SOX9: variants seen among roughly 807,000 people sequenced by gnomAD.
SOX9 encodes the protein transcription factor SOX-9.
A neutral mutation model predicts 44.8 loss-of-function variants in SOX9; 2 were observed. The ratio of observed to expected loss-of-function variants is 0.04; its 90% CI spans 0.02 to 0.14. SOX9 has a LOEUF of 0.14. Among genes scored for constraint, SOX9 ranks in the 10% least tolerant of loss-of-function variants. SOX9 has a pLI of 1.00. For missense variants in SOX9, 583 were observed against 728.6 expected, an observed-to-expected ratio of 0.80 and a Z score of 2.30; for synonymous variants, 381 against 331.8, an observed-to-expected ratio of 1.15 and a Z score of -1.61.
rs1314148280 is a variant in SOX9 at position 72,121,957 on chromosome 17, A to T, written c.431+135A>T. On this transcript the variant is annotated intron_variant, in intron 1 of 2. Coordinates refer to ENST00000245479, the MANE Select transcript of SOX9 (RefSeq NM_000346.4). This position sits in a 1 kb window ranked among gnomAD's most constrained non-coding sequence, Gnocchi z 8.3. ...CGGGAGCCGGCGGGATGGGGTTGGG[A>T]GTGGGAATGGGGTGTAACTGTGGCT... is the stretch of plus-strand genomic sequence containing the variant. 1.2e-5 allele frequency: 13 copies of T among 1,110,726 alleles called. No homozygotes were observed. Among genetic ancestry groups the T allele is most frequent in the African/African-American group, 3.2e-5 (2 of 63,200 alleles). The allele number at this position is 1,110,726 out of a possible 1,614,324, so 68.8% of individuals were successfully genotyped here. A position where few individuals can be genotyped will look rare whatever the true frequency, so the allele number is the denominator to read the frequency against.
At position 72,124,363 on chromosome 17, in the gene SOX9, CT is replaced by C; in HGVS notation, c.1507del (p.Tyr503ThrfsTer20). ...HSPQHWEQPVYTQLTRP is the reference protein window; with the variant it reads ...HSPQHWEQPVXTQLTRP ...GCCCCCAGCACTGGGAACAACCCGT[CT>C]ACACACAGCTCACTCGACCTTGAGG... is the stretch of plus-strand genomic sequence containing the variant. On this transcript the variant is annotated frameshift_variant, in exon 3 of 3. Transcript: ENST00000245479. LOFTEE classifies it high-confidence loss of function. This position sits in a 1 kb window ranked among gnomAD's most constrained non-coding sequence, Gnocchi z 4.6. 6.2e-7 allele frequency: 1 copy of C among 1,600,512 alleles called. No individual in the cohort carries two copies. The highest frequency in any genetic ancestry group is 8.5e-7 in the Non-Finnish European group (1 of 1,179,966).
At position 72,123,994 on chromosome 17, in the gene SOX9, G is replaced by T; in HGVS notation, c.1137G>T (p.Ala379=). 1 of 1,595,266 alleles carries T rather than the reference G, an allele frequency of 6.3e-7. No homozygotes were observed. The highest frequency in any genetic ancestry group is 1.3e-5 in the African/African-American group (1 of 74,544). ...QPAAPPQQPQ[A]HTLTTLSSEP... ...CGGCACCCCCGCAGCAGCCACAGGC[G>T]CACACGCTGACCACGCTGAGCAGCG... Residue 379 remains alanine (A), a synonymous_variant, in exon 3 of 3, where the codon GCG becomes GCT. Coordinates refer to ENST00000245479, the MANE Select transcript of SOX9 (RefSeq NM_000346.4). The surrounding 1 kb of genome is among the most constrained non-coding windows in gnomAD (Gnocchi z 6.5).
Position 72,121,918 on chromosome 17 carries a change from G to C in SOX9, c.431+96G>C, listed in dbSNP as rs1226952183. 1.6e-5 allele frequency: 23 copies of C among 1,401,970 alleles called. No individual in the cohort carries two copies. Among genetic ancestry groups the C allele is most frequent in the Middle Eastern group, 2.6e-4 (1 of 3,872 alleles). The allele number at this position is 1,401,970 out of a possible 1,614,324, so 86.8% of individuals were successfully genotyped here. ...TGCCCCGCCCCGCCTCCCATCGCCC[G>C]GGAGTTGCCGTTCCGGGAGCCGGCG... On this transcript the variant is annotated intron_variant, in intron 1 of 2. Coordinates refer to ENST00000245479, the MANE Select transcript of SOX9 (RefSeq NM_000346.4). The surrounding 1 kb of genome is among the most constrained non-coding windows in gnomAD (Gnocchi z 8.3).
intron 1 of SOX9, 119 bp from the exon 2 acceptor site, chr17:72,122,600 G>A (rs1271046741): frequency 2.4e-6 from 2 of 845,334 alleles, no homozygotes; most frequent in Non-Finnish European, 3.9e-6. Flanking sequence ...ATGGAGTTGT[G>A]TGCAGAGGAA....
At position 72,123,589 on chromosome 17, in the gene SOX9, C is replaced by T. The variant is rs2143250482; in HGVS notation, c.732C>T (p.Asp244=). Residue 244 remains aspartate (D), a synonymous_variant, in exon 3 of 3, where the codon GAC becomes GAT. Transcript: ENST00000245479. This position sits in a 1 kb window ranked among gnomAD's most constrained non-coding sequence, Gnocchi z 6.5. ...CCCCACCCACCACCCCCAAAACCGA[C>T]GTGCAGCCGGGCAAGGCTGACCTGA... is the stretch of plus-strand genomic sequence containing the variant. The part of the protein sequence containing the change: ...PPTPPTTPKT[D]VQPGKADLKR... 3 of 1,612,960 alleles carry T rather than the reference C, an allele frequency of 1.9e-6. No individual in the cohort carries two copies. The South Asian group carries it at 3.3e-5, about 18-fold the overall frequency.
At position 72,124,501 on chromosome 17, in the gene SOX9, T is replaced by C. The variant is rs759378287; in HGVS notation, c.*114T>C. On this transcript the variant is annotated 3_prime_UTR_variant, in exon 3 of 3. Coordinates refer to ENST00000245479, the MANE Select transcript of SOX9 (RefSeq NM_000346.4). The surrounding 1 kb of genome is among the most constrained non-coding windows in gnomAD (Gnocchi z 4.6). Reference sequence around the variant, plus strand: ...TTTGTGTTTTTTTGTTTTTTTATTTTGTTTTGTTTTTTCTTCTTCTTCTTC... The same window carrying C: ...TTTGTGTTTTTTTGTTTTTTTATTTCGTTTTGTTTTTTCTTCTTCTTCTTC... The C allele has an allele frequency of 4.1e-5, 55 of 1,346,250 alleles. No individual in the cohort carries two copies. The highest frequency in any genetic ancestry group is 5.6e-5 in the Non-Finnish European group (54 of 964,562). 83.4% of individuals were successfully genotyped at this position (1,346,250 alleles called of 1,614,324 possible). A position where few individuals can be genotyped will look rare whatever the true frequency, so the allele number is the denominator to read the frequency against.
rs772536082 is a variant in SOX9 at position 72,123,011 on chromosome 17, G to A, written c.685+39G>A. On this transcript the variant is annotated intron_variant, in intron 2 of 2. Transcript: ENST00000245479. The surrounding 1 kb of genome is among the most constrained non-coding windows in gnomAD (Gnocchi z 6.5). Reference sequence around the variant, plus strand: ...CGACCCCACCGGACAAGCTATCTCCGTCCCGCCTGGCACACCCCCTGCCCT... The same window carrying A: ...CGACCCCACCGGACAAGCTATCTCCATCCCGCCTGGCACACCCCCTGCCCT... 2.5e-6 allele frequency: 4 copies of A among 1,605,896 alleles called. No homozygotes were observed. The highest frequency in any genetic ancestry group is 2.2e-5 in the South Asian group (2 of 91,030).
Position 72,121,370 on chromosome 17 carries a change from GC to G in SOX9, c.-17del. On this transcript the variant is annotated 5_prime_UTR_variant, in exon 1 of 3. Coordinates refer to ENST00000245479, the MANE Select transcript of SOX9 (RefSeq NM_000346.4). The surrounding 1 kb of genome is among the most constrained non-coding windows in gnomAD (Gnocchi z 8.3). ...GGCTTCTCGCCTTTCCCGGCCACCAGCCCCCTGCCCCGGGCCCGCGTATGAA... is the reference window on the plus strand; with the variant it reads ...GGCTTCTCGCCTTTCCCGGCCACCAGCCCCTGCCCCGGGCCCGCGTATGAA... The G allele has an allele frequency of 1.2e-6, 2 of 1,608,834 alleles. No homozygotes were observed. Among genetic ancestry groups the G allele is most frequent in the Non-Finnish European group, 1.7e-6 (2 of 1,177,098 alleles).
At position 72,124,116 on chromosome 17, in the gene SOX9, A is replaced by G. The variant is rs2143256055; in HGVS notation, c.1259A>G (p.Tyr420Cys). The change falls in exon 3 of 3, where the codon TAC (tyrosine) becomes TGC (cysteine). Residue 420 changes from tyrosine (Y) to cysteine (C), a missense_variant. Tyr to Cys is a radical substitution (Grantham distance 194). Transcript: ENST00000245479. This position sits in a 1 kb window ranked among gnomAD's most constrained non-coding sequence, Gnocchi z 4.6. The part of the protein sequence containing the change: ...QQQHSPQQIA[Y>C]SPFNLPHYSP... ...CAGCACTCGCCCCAACAGATCGCCT[A>G]CAGCCCCTTCAACCTCCCACACTAC... The G allele has an allele frequency of 6.2e-7, 1 of 1,613,744 alleles. No individual in the cohort carries two copies. The highest frequency in any genetic ancestry group is 2.2e-5 in the East Asian group (1 of 44,874).
Position 72,121,775 on chromosome 17 carries a change from G to A in SOX9, c.384G>A (p.Pro128=), listed in dbSNP as rs2143240737. 1.3e-6 allele frequency: 2 copies of A among 1,598,216 alleles called. No homozygotes were observed. Among genetic ancestry groups the A allele is most frequent in the Non-Finnish European group, 8.5e-7 (1 of 1,173,106 alleles). The change falls in exon 1 of 3, where the codon CCG becomes CCA. Residue 128 remains proline (P), a synonymous_variant. Transcript: ENST00000245479. This position sits in a 1 kb window ranked among gnomAD's most constrained non-coding sequence, Gnocchi z 8.3. ...AARRKLADQY[P]HLHNAELSKT... is the part of the protein sequence containing the mutation. The stretch of plus-strand genomic sequence containing the variant: ...GCAGGAAGCTCGCGGACCAGTACCC[G>A]CACTTGCACAACGCCGAGCTCAGCA...
Position 72,124,106 on chromosome 17 carries a change from C to G in SOX9, c.1249C>G (p.Gln417Glu), listed in dbSNP as rs886043831. 1 of 1,613,816 alleles carries G rather than the reference C, an allele frequency of 6.2e-7. No homozygotes were observed. The highest frequency in any genetic ancestry group is 2.2e-5 in the East Asian group (1 of 44,880). ...CGAGCAGCAGCAGCACTCGCCCCAA[C>G]AGATCGCCTACAGCCCCTTCAACCT... is the stretch of plus-strand genomic sequence containing the variant. ...YSEQQQHSPQ[Q>E]IAYSPFNLPH... Residue 417 changes from glutamine (Q) to glutamate (E), a missense_variant, in exon 3 of 3, where the codon CAG becomes GAG. Physicochemically the swap from Gln to Glu is conservative, Grantham distance 29. This residue lies in a region of SOX9 where 349 missense variants were observed against 387.0 expected (regional missense o/e 0.90). Transcript: ENST00000245479. This position sits in a 1 kb window ranked among gnomAD's most constrained non-coding sequence, Gnocchi z 4.6.
chr17:72,122,146 G>C (rs575619216), intron 1 of SOX9, among the ~76,000 whole-genome samples: 51 of 152,248 alleles, frequency 3.3e-4, no homozygotes, highest in African/African-American at 1.2e-3. Context: ...CAATCGGGGC[G>C]GGGAAGTGAA....
Position 72,122,880 on chromosome 17 carries a change from T to A in SOX9, c.593T>A (p.Ile198Asn), listed in dbSNP as rs750018537. The change falls in exon 2 of 3, where the codon ATC (isoleucine) becomes AAC (asparagine). Residue 198 changes from isoleucine to asparagine, a missense_variant. This residue lies in a region of SOX9 where 88 missense variants were observed against 65.5 expected (regional missense o/e 1.34). Coordinates refer to ENST00000245479, the MANE Select transcript of SOX9 (RefSeq NM_000346.4). The part of the protein sequence containing the change: ...EAEEATEQTH[I>N]SPNAIFKALQ... ...GAGGAGGCCACGGAGCAGACGCACA[T>A]CTCCCCCAACGCCATCTTCAAGGCG... 3 of 1,613,870 alleles carry A rather than the reference T, an allele frequency of 1.9e-6. No homozygotes were observed. The highest frequency in any genetic ancestry group is 2.5e-6 in the Non-Finnish European group (3 of 1,180,010).
In SOX9 at chr17:72,121,217, C is replaced by T; in HGVS notation, c.-175C>T. On this transcript the variant is annotated 5_prime_UTR_variant, in exon 1 of 3. Transcript: ENST00000245479. This position sits in a 1 kb window ranked among gnomAD's most constrained non-coding sequence, Gnocchi z 8.3. ...TTGGAGCGGGCAGCTGTGAACTGGC[C>T]ACCCCGCGCCTTCCTAAGTGCTCGC... The T allele has an allele frequency of 1.6e-6, 1 of 627,838 alleles. No homozygotes were observed. The highest frequency in any genetic ancestry group is 1.9e-5 in the South Asian group (1 of 52,078). The allele number at this position is 627,838 out of a possible 1,614,324, so 38.9% of individuals were successfully genotyped here. A position where few individuals can be genotyped will look rare whatever the true frequency, so the allele number is the denominator to read the frequency against.
rs1000603868 is a variant in SOX9, at chr17:72,123,412, G to A, written c.686-131G>A. 14 of 1,252,446 alleles carry A rather than the reference G, an allele frequency of 1.1e-5. No homozygotes were observed. Among genetic ancestry groups the A allele is most frequent in the Middle Eastern group, 2.8e-4 (1 of 3,634 alleles). The allele number at this position is 1,252,446 out of a possible 1,614,324, so 77.6% of individuals were successfully genotyped here. On this transcript the variant is annotated intron_variant, in intron 2 of 2. Coordinates refer to ENST00000245479, the MANE Select transcript of SOX9 (RefSeq NM_000346.4). The surrounding 1 kb of genome is among the most constrained non-coding windows in gnomAD (Gnocchi z 6.5). Reference sequence around the variant, plus strand: ...TTGGGCGACTTATCTCCGGTGCAGCGCGCCTCTTGCGCGGGTGCGGGCCCT... The same window carrying A: ...TTGGGCGACTTATCTCCGGTGCAGCACGCCTCTTGCGCGGGTGCGGGCCCT...
Position 72,122,980 on chromosome 17 carries a change from G to A in SOX9, c.685+8G>A, listed in dbSNP as rs117696751. The stretch of plus-strand genomic sequence containing the variant: ...CCCCCGGCGAGCACTCGGGTGAGTC[G>A]CCCCTCGACCCCACCGGACAAGCTA... On this transcript the variant is annotated splice_region_variant and intron_variant, in intron 2 of 2. Coordinates refer to ENST00000245479, the MANE Select transcript of SOX9 (RefSeq NM_000346.4). 2.3e-3 allele frequency: 3,704 copies of A among 1,611,776 alleles called. 29 individuals carry two copies. The highest frequency in any genetic ancestry group is 0.019 in the East Asian group (835 of 44,850).
In SOX9 at chr17:72,124,042, G is replaced by T. The variant is rs375976801; in HGVS notation, c.1185G>T (p.Thr395=). The T allele has an allele frequency of 7.4e-6, 12 of 1,610,824 alleles. No individual in the cohort carries two copies. The highest frequency in any genetic ancestry group is 2.5e-6 in the Non-Finnish European group (3 of 1,178,396). Residue 395 remains threonine, a synonymous_variant, in exon 3 of 3, where the codon ACG becomes ACT. Coordinates refer to ENST00000245479, the MANE Select transcript of SOX9 (RefSeq NM_000346.4). The surrounding 1 kb of genome is among the most constrained non-coding windows in gnomAD (Gnocchi z 4.6). ...GCGAGCCGGGCCAGTCCCAGCGAAC[G>T]CACATCAAGACGGAGCAGCTGAGCC... ...LSSEPGQSQR[T]HIKTEQLSPS...
Position 72,126,189 on chromosome 17 carries a change from G to C in SOX9, c.*1802G>C, listed in dbSNP as rs1274308735. ...GGCATCCTTCAATTTCTGTATAAAAGCAGATCTTTTTAAAAAGATACTTCT... is the reference window on the plus strand; with the variant it reads ...GGCATCCTTCAATTTCTGTATAAAACCAGATCTTTTTAAAAAGATACTTCT... On this transcript the variant is annotated 3_prime_UTR_variant, in exon 3 of 3. Coordinates refer to ENST00000245479, the MANE Select transcript of SOX9 (RefSeq NM_000346.4). 4.3e-6 allele frequency: 1 copy of C among 232,438 alleles called. No individual in the cohort carries two copies. The highest frequency in any genetic ancestry group is 8.5e-6 in the Non-Finnish European group (1 of 117,518). 14.4% of individuals were successfully genotyped at this position (232,438 alleles called of 1,614,324 possible).
Position 72,121,021 on chromosome 17 carries a change from G to A in SOX9, c.-371G>A, listed in dbSNP as rs912804544. The A allele has an allele frequency of 1.3e-5, 7 of 521,580 alleles. No individual in the cohort carries two copies. The highest frequency in any genetic ancestry group is 1.3e-4 in the East Asian group (4 of 31,166). 32.3% of individuals were successfully genotyped at this position (521,580 alleles called of 1,614,324 possible). ...TAAAGAGACCCTGGGCTGGGAGTTG[G>A]AGAGCCGAAAGCGGAGCTCGAAACT... is the stretch of plus-strand genomic sequence containing the variant. On this transcript the variant is annotated 5_prime_UTR_variant, in exon 1 of 3. Transcript: ENST00000245479. The surrounding 1 kb of genome is among the most constrained non-coding windows in gnomAD (Gnocchi z 8.3).
Sources: allele counts gnomAD v4.1 joint callset (sites outside exome capture counted in the v4.1 genomes callset), GRCh38; gene constraint gnomAD v4.1.1; regional missense constraint gnomAD v4.1.1; non-coding constraint Gnocchi (gnomAD v3.1); transcripts MANE v1.5; gene names NCBI Gene and HGNC (gene_info 2026-07-23, HGNC 2026-07-21).